SYT1: variants seen among roughly 807,000 people sequenced by gnomAD.
SYT1 encodes synaptotagmin-1.
In SYT1, 8 loss-of-function variants were observed where a neutral mutation model predicts 44.8. That is an observed-to-expected ratio of 0.18 (90% CI 0.10 to 0.32). The LOEUF (loss-of-function observed/expected upper bound fraction) is 0.32, where lower values mean the gene tolerates loss of function less well. Ranked by LOEUF, SYT1 falls within the 10% of genes least tolerant of loss-of-function variation. The pLI is 1.00. For missense variants in SYT1, 286 were observed against 509.3 expected (o/e 0.56, Z 4.22); for synonymous variants, 154 against 188.8 (o/e 0.82, Z 1.51).
chr12:79,041,840 G>T (rs1417849287), intron 2 of SYT1, among the ~76,000 whole-genome samples: 1 of 152,016 alleles, frequency 6.6e-6, no homozygotes, highest in Non-Finnish European at 1.5e-5. Flanking sequence ...ATGAAGGGTT[G>T]TTGAATTTTG....
chr12:79,003,388 C>T (rs1192054125), intron 2 of SYT1, among the ~76,000 whole-genome samples: 1 of 151,928 alleles, frequency 6.6e-6, no homozygotes, highest in Non-Finnish European at 1.5e-5. Context: ...TTCATGTATC[C>T]TTTCCAAACA....
intron 3 of SYT1, among the ~76,000 whole-genome samples, chr12:79,137,221 G>A (rs1464958271): frequency 2.0e-5 from 3 of 151,784 alleles, no homozygotes; most frequent in Non-Finnish European, 2.9e-5. Context: ...TCAGCCTTCC[G>A]AGTAGCTGGG....
intron 8 of SYT1, among the ~76,000 whole-genome samples, chr12:79,310,520 A>G (rs562038168): frequency 0.01 from 1,595 of 152,180 alleles, 31 homozygotes; most frequent in African/African-American, 0.036. Context: ...TTCCATATGA[A>G]CTTTAAAGTA....
intron 1 of SYT1, among the ~76,000 whole-genome samples, chr12:78,959,242 A>T (rs1285648531): frequency 1.3e-5 from 2 of 152,200 alleles, no homozygotes; most frequent in Admixed American, 1.3e-4. Context: ...TTATATATGC[A>T]TGCTGTATTG....
At chr12:78,946,330 C>A (rs1370963177) in intron 1 of SYT1, among the ~76,000 whole-genome samples, 1 of 152,042 alleles carries the variant, frequency 6.6e-6, no homozygotes, top group East Asian at 1.9e-4. Context: ...CTTTGAGAAG[C>A]TTATGTTCTA....
At chr12:78,879,425 A>C (rs999250225) in intron 1 of SYT1, among the ~76,000 whole-genome samples, 2 of 151,790 alleles carry the variant, frequency 1.3e-5, no homozygotes, top group African/African-American at 4.8e-5. Flanking sequence ...AACCACCTAC[A>C]TGGCAGATCT....
At chr12:79,136,909 A>C (rs1869227967) in intron 3 of SYT1, among the ~76,000 whole-genome samples, 1 of 152,216 alleles carries the variant, frequency 6.6e-6, no homozygotes, top group African/African-American at 2.4e-5. Context: ...TATTTAGGAA[A>C]CAAGAAAAAT....
intron 1 of SYT1, chr12:78,926,677 A>G (rs1047922462): frequency 6.6e-6 from 1 of 152,054 alleles, no homozygotes; most frequent in African/African-American, 2.4e-5. Context: ...CATTTTTGGG[A>G]AGCAAATAGA....
At chr12:79,206,549 G>T (rs1327930741) in intron 3 of SYT1, among the ~76,000 whole-genome samples, 1 of 152,180 alleles carries the variant, frequency 6.6e-6, no homozygotes, top group African/African-American at 2.4e-5. Context: ...TATTGTGAAA[G>T]AATGTATTCA....
chr12:79,157,136 T>A (rs1870648167), intron 3 of SYT1, among the ~76,000 whole-genome samples: 1 of 152,204 alleles, frequency 6.6e-6, no homozygotes, highest in Non-Finnish European at 1.5e-5. Context: ...CTGCCACCTC[T>A]GCACCTGCTG....
intron 8 of SYT1, among the ~76,000 whole-genome samples, chr12:79,307,486 C>T (rs368860484): frequency 1.3e-5 from 2 of 152,122 alleles, no homozygotes; most frequent in Admixed American, 1.3e-4. Flanking sequence ...CCACGTTCGG[C>T]CACCTGACCT....
intron 3 of SYT1, among the ~76,000 whole-genome samples, chr12:79,079,212 G>A (rs938241845): frequency 2.0e-5 from 3 of 152,100 alleles, no homozygotes; most frequent in African/African-American, 7.2e-5. Context: ...GCAAGAACAT[G>A]AGAACGATTT....
chr12:78,975,619 C>A (rs1333672722), intron 1 of SYT1, among the ~76,000 whole-genome samples: 1 of 152,040 alleles, frequency 6.6e-6, no homozygotes, highest in Non-Finnish European at 1.5e-5. Context: ...AGGCTCTTGC[C>A]CCAGACTCTA....
chr12:79,119,821 A>C (rs1486456603), intron 3 of SYT1, among the ~76,000 whole-genome samples: 2 of 152,112 alleles, frequency 1.3e-5, no homozygotes, highest in Non-Finnish European at 2.9e-5. Context: ...TTCTAAGCTA[A>C]ATTACTTAAA....
chr12:79,050,547 C>G (rs1001550204), intron 3 of SYT1, among the ~76,000 whole-genome samples: 2 of 152,018 alleles, frequency 1.3e-5, no homozygotes, highest in African/African-American at 4.8e-5. Flanking sequence ...TTTAAAAAAT[C>G]ATTCAGATGC....
intron 3 of SYT1, among the ~76,000 whole-genome samples, chr12:79,088,706 A>G (rs1307412731): frequency 2.6e-5 from 4 of 151,608 alleles, no homozygotes; most frequent in Admixed American, 2.0e-4. Flanking sequence ...CAGAAGAATC[A>G]GAAGGTTATT....
intron 9 of SYT1, among the ~76,000 whole-genome samples, chr12:79,388,964 C>G (rs1439596906): frequency 1.3e-5 from 2 of 152,184 alleles, no homozygotes; most frequent in Non-Finnish European, 2.9e-5. Context: ...AGTAACCCAT[C>G]TTTGAATGTC....
At chr12:79,328,028 G>A (rs1881683442) in intron 8 of SYT1, among the ~76,000 whole-genome samples, 1 of 152,156 alleles carries the variant, frequency 6.6e-6, no homozygotes, top group East Asian at 1.9e-4. Context: ...GGGAGGCAGG[G>A]AGGATATTAA....
At chr12:79,356,245 A>G (rs1883108066) in intron 9 of SYT1, among the ~76,000 whole-genome samples, 1 of 151,704 alleles carries the variant, frequency 6.6e-6, no homozygotes, top group African/African-American at 2.4e-5. Flanking sequence ...CCTACTCATG[A>G]GGTCTTAAGA....
Sources: gnomAD v4.1 joint callset for allele counts (sites outside exome capture counted in the v4.1 genomes callset) on GRCh38, gnomAD v4.1.1 for gene constraint, MANE v1.5 for transcripts, NCBI Gene and HGNC (gene_info 2026-07-23, HGNC 2026-07-21) for gene names.